TENT5A: variants seen among roughly 807,000 people sequenced by gnomAD.
TENT5A encodes terminal nucleotidyltransferase 5A, also known as HBV X-transactivated gene 11 protein.
In TENT5A, 9 loss-of-function variants were observed where a neutral mutation model predicts 30.2. That is an observed-to-expected ratio of 0.30 (90% CI 0.18 to 0.52). The LOEUF is 0.52. Ranked by LOEUF, TENT5A falls within the 20% of genes least tolerant of loss-of-function variation. TENT5A has a pLI of 0.97. For synonymous variants in TENT5A, 264 were observed against 234.2 expected, an observed-to-expected ratio of 1.13 and a Z score of -1.16; for missense variants, 411 against 566.1, an observed-to-expected ratio of 0.73 and a Z score of 2.78.
chr6:81,747,883 C>T lies in TENT5A; in HGVS notation c.*1812G>A, dbSNP rs1768918030. On this transcript the variant is annotated 3_prime_UTR_variant, in exon 3 of 3. Coordinates refer to ENST00000320172, the MANE Select transcript of TENT5A (RefSeq NM_017633.3). The stretch of plus-strand genomic sequence containing the variant: ...TTGAACTGAAATAGTAATGCCAGTT[C>T]ATTTCACAAAGGTATAACTGGTATT... The T allele has an allele frequency of 1.0e-6, 1 of 985,552 alleles. No homozygotes were observed. The highest frequency in any genetic ancestry group is 1.2e-6 in the Non-Finnish European group (1 of 829,848). The allele number at this position is 985,552 out of a possible 1,614,324, so 61.1% of individuals were successfully genotyped here.
Position 81,750,278 on chromosome 6 carries a change from T to A in TENT5A, c.746A>T (p.Asn249Ile). The stretch of plus-strand genomic sequence containing the variant: ...GGGGTGAAATGTCTCAGTCATTGGG[T>A]TCTCTGAACATTCATAAAAGAGCAG... ...SLLLFYECSE[N>I]PMTETFHPTI... Residue 249 changes from asparagine (N) to isoleucine (I), a missense_variant, in exon 3 of 3, where the codon AAC becomes ATC. Coordinates refer to ENST00000320172, the MANE Select transcript of TENT5A (RefSeq NM_017633.3). The surrounding 1 kb of genome is among the most constrained non-coding windows in gnomAD (Gnocchi z 4.2). 6.2e-7 allele frequency: 1 copy of A among 1,614,006 alleles called. No homozygotes were observed. Among genetic ancestry groups the A allele is most frequent in the Non-Finnish European group, 8.5e-7 (1 of 1,179,990 alleles).
chr6:81,747,432 G>T lies in TENT5A; in HGVS notation c.*2263C>A. ...TAGAAAACTGAGTGGCAGTGCAGCG[G>T]CTGTTGCAGCTCTGACAGAATTCAC... On this transcript the variant is annotated 3_prime_UTR_variant, in exon 3 of 3. Coordinates refer to ENST00000320172, the MANE Select transcript of TENT5A (RefSeq NM_017633.3). 1.0e-6 allele frequency: 1 copy of T among 985,816 alleles called. No individual in the cohort carries two copies. The highest frequency in any genetic ancestry group is 1.2e-6 in the Non-Finnish European group (1 of 829,920). The allele number at this position is 985,816 out of a possible 1,614,324, so 61.1% of individuals were successfully genotyped here.
rs1026928949 is a variant in TENT5A, at chr6:81,750,730, G to A, written c.553-259C>T. On this transcript the variant is annotated intron_variant, in intron 2 of 2. Transcript: ENST00000320172. The surrounding 1 kb of genome is among the most constrained non-coding windows in gnomAD (Gnocchi z 4.2). ...GGCAGACGTAGCACAGTAGTAAGAG[G>A]TTTTGTTGTCATGTCTGACTTTTTA... is the stretch of plus-strand genomic sequence containing the variant. 6.6e-6 allele frequency among the ~76,000 whole-genome samples: 1 copy of A among 152,206 alleles called. No individual in the cohort carries two copies. Among genetic ancestry groups the A allele is most frequent in the Non-Finnish European group, 1.5e-5 (1 of 68,044 alleles).
Position 81,750,425 on chromosome 6 carries a change from C to A in TENT5A, c.599G>T (p.Arg200Leu), listed in dbSNP as rs768691613. The change falls in exon 3 of 3, where the codon CGA (arginine) becomes CTA (leucine). Residue 200 changes from arginine to leucine, a missense_variant. Physicochemically the swap from Arg to Leu is moderately radical, Grantham distance 102. Transcript: ENST00000320172. This position sits in a 1 kb window ranked among gnomAD's most constrained non-coding sequence, Gnocchi z 4.2. ...GTTTGACAGGGATATAAGACTCCAT[C>A]GGTCAGAGTCATTGCACACTTTAAC... ...KMVKVCNDSDRWSLISLSNNS... is the reference protein window; with the variant it reads ...KMVKVCNDSDLWSLISLSNNS... The A allele has an allele frequency of 1.3e-6, 2 of 1,592,920 alleles. No individual in the cohort carries two copies. The highest frequency in any genetic ancestry group is 1.7e-6 in the Non-Finnish European group (2 of 1,171,608).
intron 1 of TENT5A, 83 bp from the exon 2 acceptor site, chr6:81,752,261 G>A (rs1039408866): frequency 2.0e-6 from 3 of 1,482,094 alleles, no homozygotes; most frequent in Admixed American, 5.3e-5. Flanking sequence ...GGCCCGCCAG[G>A]AAAAGAGCGC....
At position 81,747,774 on chromosome 6, in the gene TENT5A, T is replaced by A; in HGVS notation, c.*1921A>T. 1.0e-6 allele frequency: 1 copy of A among 985,882 alleles called. No homozygotes were observed. Among genetic ancestry groups the A allele is most frequent in the Non-Finnish European group, 1.2e-6 (1 of 829,934 alleles). 61.1% of individuals were successfully genotyped at this position (985,882 alleles called of 1,614,324 possible). On this transcript the variant is annotated 3_prime_UTR_variant, in exon 3 of 3. Coordinates refer to ENST00000320172, the MANE Select transcript of TENT5A (RefSeq NM_017633.3). ...AGGTTCTTATGTGTTAGTTTTGTTTTGTTTTTAACAAATGCATTTTCAGAG... is the reference window on the plus strand; with the variant it reads ...AGGTTCTTATGTGTTAGTTTTGTTTAGTTTTTAACAAATGCATTTTCAGAG...
chr6:81,748,774 A>C lies in TENT5A; in HGVS notation c.*921T>G, dbSNP rs1721926924. The C allele has an allele frequency of 6.1e-6, 6 of 985,626 alleles. 1 individual carries two copies. In the South Asian group the frequency reaches 2.8e-4, roughly 46 times the overall value. The allele number at this position is 985,626 out of a possible 1,614,324, so 61.1% of individuals were successfully genotyped here. A position where few individuals can be genotyped will look rare whatever the true frequency, so the allele number is the denominator to read the frequency against. On this transcript the variant is annotated 3_prime_UTR_variant, in exon 3 of 3. Transcript: ENST00000320172. The stretch of plus-strand genomic sequence containing the variant: ...TAGGGCATTTTCTCCACCATTCACA[A>C]GCTTATGTTATTTTCTTCTTGAGGC...
Position 81,748,739 on chromosome 6 carries a change from C to G in TENT5A, c.*956G>C. On this transcript the variant is annotated 3_prime_UTR_variant, in exon 3 of 3. Coordinates refer to ENST00000320172, the MANE Select transcript of TENT5A (RefSeq NM_017633.3). Reference sequence around the variant, plus strand: ...AATGTTAACTTTATACAAGTATTTGCAAGAAAAAATAGGGCATTTTCTCCA... The same window carrying G: ...AATGTTAACTTTATACAAGTATTTGGAAGAAAAAATAGGGCATTTTCTCCA... 1 of 985,392 alleles carries G rather than the reference C, an allele frequency of 1.0e-6. No individual in the cohort carries two copies. Among genetic ancestry groups the G allele is most frequent in the Non-Finnish European group, 1.2e-6 (1 of 829,672 alleles). The allele number at this position is 985,392 out of a possible 1,614,324, so 61.0% of individuals were successfully genotyped here. A position where few individuals can be genotyped will look rare whatever the true frequency, so the allele number is the denominator to read the frequency against.
rs965670205 is a variant in TENT5A, at chr6:81,749,601, T to C, written c.*94A>G. The C allele has an allele frequency of 1.3e-6, 2 of 1,491,892 alleles. No homozygotes were observed. The highest frequency in any genetic ancestry group is 2.8e-5 in the African/African-American group (2 of 71,004). 92.4% of individuals were successfully genotyped at this position (1,491,892 alleles called of 1,614,324 possible). On this transcript the variant is annotated 3_prime_UTR_variant, in exon 3 of 3. Transcript: ENST00000320172. ...ATCATTGCACAAAACACATCCCTAA[T>C]AAGGGCTGGATCACTCTTTTTTTTT...
rs78015262 is a variant in TENT5A at position 81,746,558 on chromosome 6, G to A, written c.*3137C>T. 1.8e-3 allele frequency: 2,198 copies of A among 1,232,130 alleles called. 80 individuals are homozygous for A. In the East Asian group the frequency reaches 0.056, roughly 32 times the overall value. The allele number at this position is 1,232,130 out of a possible 1,614,324, so 76.3% of individuals were successfully genotyped here. ...TGTCCATCTTGGTGTAGGAGTTCTT[G>A]AGGCAGCTGGATTTACTGCAAATTA... On this transcript the variant is annotated 3_prime_UTR_variant, in exon 3 of 3. Transcript: ENST00000320172.
At chr6:81,751,182 T>C (rs866285194) in intron 2 of TENT5A, among the ~76,000 whole-genome samples, 24 of 152,166 alleles carry the variant, frequency 1.6e-4, no homozygotes, top group African/African-American at 5.6e-4. Flanking sequence ...AAAAACTCAT[T>C]GACTCACTTC....
rs1234397491 is a variant in TENT5A, at chr6:81,752,650, C to T, written c.-257G>A. The T allele has an allele frequency of 1.4e-6, 1 of 718,246 alleles. No homozygotes were observed. The highest frequency in any genetic ancestry group is 1.5e-5 in the South Asian group (1 of 67,612). The allele number at this position is 718,246 out of a possible 1,614,324, so 44.5% of individuals were successfully genotyped here. A position where few individuals can be genotyped will look rare whatever the true frequency, so the allele number is the denominator to read the frequency against. On this transcript the variant is annotated 5_prime_UTR_variant, in exon 1 of 3. In the 5' UTR this introduces an upstream ATG that the reference lacks. Coordinates refer to ENST00000320172, the MANE Select transcript of TENT5A (RefSeq NM_017633.3). ...AACTGGCGGCTCTTGCTGCCACACA[C>T]GCTCGTGTCTCTGGAGCTTTAGCAG...
At position 81,746,284 on chromosome 6, in the gene TENT5A, T is replaced by C. The variant is rs1768882734; in HGVS notation, c.*3411A>G. ...TTTGAACTGACAGCTTTCAACATAA[T>C]ACATTTCATTTACAAAATAGTTCAC... On this transcript the variant is annotated 3_prime_UTR_variant, in exon 3 of 3. Transcript: ENST00000320172. 8.3e-7 allele frequency: 1 copy of C among 1,200,420 alleles called. No individual in the cohort carries two copies. The highest frequency in any genetic ancestry group is 4.3e-5 in the South Asian group (1 of 23,218). The allele number at this position is 1,200,420 out of a possible 1,614,324, so 74.4% of individuals were successfully genotyped here. A position where few individuals can be genotyped will look rare whatever the true frequency, so the allele number is the denominator to read the frequency against.
chr6:81,749,142 G>A lies in TENT5A; in HGVS notation c.*553C>T. 1.0e-6 allele frequency: 1 copy of A among 985,900 alleles called. No homozygotes were observed. The highest frequency in any genetic ancestry group is 1.2e-6 in the Non-Finnish European group (1 of 830,014). 61.1% of individuals were successfully genotyped at this position (985,900 alleles called of 1,614,324 possible). A position where few individuals can be genotyped will look rare whatever the true frequency, so the allele number is the denominator to read the frequency against. On this transcript the variant is annotated 3_prime_UTR_variant, in exon 3 of 3. Transcript: ENST00000320172. ...TTCATTTGGAGCAAGCCGTTTGTTAGCAAAACAAGATCATTCCACAGAAAG... is the reference window on the plus strand; with the variant it reads ...TTCATTTGGAGCAAGCCGTTTGTTAACAAAACAAGATCATTCCACAGAAAG...
chr6:81,751,813 T>C lies in TENT5A; in HGVS notation c.329A>G (p.Glu110Gly). Residue 110 changes from glutamate to glycine, a missense_variant, in exon 2 of 3, where the codon GAG becomes GGG. Physicochemically the swap from Glu to Gly is moderately conservative, Grantham distance 98. This residue lies in a region of TENT5A where 157 missense variants were observed against 183.2 expected (regional missense o/e 0.86). Coordinates refer to ENST00000320172, the MANE Select transcript of TENT5A (RefSeq NM_017633.3). ...CACGTCGCGGACGCCAATGCGCTTC[T>C]CGGCCAGGCGCCGCCGCACCACCTT... ...IVKVVRRRLA[E>G]KRIGVRDVRL... 1.2e-6 allele frequency: 2 copies of C among 1,612,688 alleles called. No individual in the cohort carries two copies. The highest frequency in any genetic ancestry group is 1.1e-5 in the South Asian group (1 of 91,052).
In TENT5A at chr6:81,746,817, G is replaced by T; in HGVS notation, c.*2878C>A. ...TCTCACCAGACATTCAAATTTTTAG[G>T]CCGCACATCCACAAAGAGAGACATA... On this transcript the variant is annotated 3_prime_UTR_variant, in exon 3 of 3. Coordinates refer to ENST00000320172, the MANE Select transcript of TENT5A (RefSeq NM_017633.3). The T allele has an allele frequency of 4.2e-6, 5 of 1,184,948 alleles. No individual in the cohort carries two copies. The highest frequency in any genetic ancestry group is 5.2e-6 in the Non-Finnish European group (5 of 958,866). 73.4% of individuals were successfully genotyped at this position (1,184,948 alleles called of 1,614,324 possible).
At position 81,750,810 on chromosome 6, in the gene TENT5A, C is replaced by A. The variant is rs556201749; in HGVS notation, c.553-339G>T. Among the ~76,000 whole-genome samples the A allele has an allele frequency of 6.6e-6, 1 of 152,274 alleles. No individual in the cohort carries two copies. Among genetic ancestry groups the A allele is most frequent in the South Asian group, 2.1e-4 (1 of 4,822 alleles). On this transcript the variant is annotated intron_variant, in intron 2 of 2. Transcript: ENST00000320172. The surrounding 1 kb of genome is among the most constrained non-coding windows in gnomAD (Gnocchi z 4.2). ...GCACAATATTCACACAGTATCCAAA[C>A]AACATTCAAAAGACTCGGAAGGGCA...
At position 81,749,642 on chromosome 6, in the gene TENT5A, T is replaced by TC; in HGVS notation, c.*52dup. 7 of 1,472,080 alleles carry TC rather than the reference T, an allele frequency of 4.8e-6. No homozygotes were observed. Among genetic ancestry groups the TC allele is most frequent in the South Asian group, 1.5e-5 (1 of 66,616 alleles). The allele number at this position is 1,472,080 out of a possible 1,614,324, so 91.2% of individuals were successfully genotyped here. On this transcript the variant is annotated 3_prime_UTR_variant, in exon 3 of 3. Transcript: ENST00000320172. ...CTTTTTTTTTTCTTTTTTTTTTTTT[T>TC]CTCTCCTGTCTTGTCTGAAATGGCT...
At position 81,748,002 on chromosome 6, in the gene TENT5A, A is replaced by G. The variant is rs1368568288; in HGVS notation, c.*1693T>C. The G allele has an allele frequency of 2.0e-6, 2 of 982,392 alleles. No homozygotes were observed. The highest frequency in any genetic ancestry group is 1.1e-4 in the East Asian group (1 of 8,816). 60.9% of individuals were successfully genotyped at this position (982,392 alleles called of 1,614,324 possible). ...TTAAATGCAGTGTGACAACCAGATC[A>G]AAGATGTTTCATATTGACATGATTT... On this transcript the variant is annotated 3_prime_UTR_variant, in exon 3 of 3. Coordinates refer to ENST00000320172, the MANE Select transcript of TENT5A (RefSeq NM_017633.3).
Sources: allele counts gnomAD v4.1 joint callset (sites outside exome capture counted in the v4.1 genomes callset), GRCh38; gene constraint gnomAD v4.1.1; regional missense constraint gnomAD v4.1.1; non-coding constraint Gnocchi (gnomAD v3.1); transcripts MANE v1.5; gene names NCBI Gene and HGNC (gene_info 2026-07-23, HGNC 2026-07-21).